The following ZBTB20 variants were observed in gnomAD, a reference collection of about 807,000 sequenced individuals.
The protein encoded by ZBTB20 is zinc finger and BTB domain containing 20.
ZBTB20 carries 9 observed loss-of-function variants against 56.9 expected under a neutral mutation model. The observed-to-expected ratio is 0.16, with a 90% CI of 0.10 to 0.28. The LOEUF is 0.28. ZBTB20 is among the 10% of genes least tolerant of loss of function. The pLI is 1.00. For synonymous variants in ZBTB20, 417 were observed against 420.7 expected (o/e 0.99, Z 0.11); for missense variants, 655 against 1,003.0 (o/e 0.65, Z 4.69).
intron 2 of ZBTB20, among the ~76,000 whole-genome samples, chr3:115,065,141 C>A (rs1227185867): frequency 6.6e-6 from 1 of 151,742 alleles, no homozygotes; most frequent in African/African-American, 2.4e-5. Context: ...ATTTATTTGA[C>A]TTTTTTTTGC....
chr3:115,041,564 C>T (rs895452994), intron 2 of ZBTB20, among the ~76,000 whole-genome samples: 5 of 151,994 alleles, frequency 3.3e-5, no homozygotes, highest in African/African-American at 1.2e-4. Context: ...TTCATTAAGC[C>T]CATGGTTTCT....
chr3:114,899,287 G>C (rs1261888561), intron 4 of ZBTB20, among the ~76,000 whole-genome samples: 1 of 152,120 alleles, frequency 6.6e-6, no homozygotes, highest in East Asian at 1.9e-4. Context: ...TAAATTTTCT[G>C]AATATGCCCC....
chr3:114,997,880 G>A (rs958769826), intron 2 of ZBTB20, among the ~76,000 whole-genome samples: 1 of 150,092 alleles, frequency 6.7e-6, no homozygotes, highest in Admixed American at 6.6e-5. Context: ...TTTTTGACTA[G>A]ATGATAATGT....
intron 6 of ZBTB20, among the ~76,000 whole-genome samples, chr3:114,522,125 G>T (rs2046708834): frequency 6.6e-6 from 1 of 152,134 alleles, no homozygotes; most frequent in African/African-American, 2.4e-5. Context: ...TATTTTGTCT[G>T]AAGGCAGTAG....
At chr3:114,477,243 T>C (rs1158400690) in intron 7 of ZBTB20, among the ~76,000 whole-genome samples, 1 of 152,220 alleles carries the variant, frequency 6.6e-6, no homozygotes, top group African/African-American at 2.4e-5. Context: ...TAAAATAATT[T>C]AGATCCATAA....
At chr3:114,505,264 G>A (rs773197915) in intron 6 of ZBTB20, among the ~76,000 whole-genome samples, 2 of 152,038 alleles carry the variant, frequency 1.3e-5, no homozygotes, top group Non-Finnish European at 2.9e-5. Flanking sequence ...TTCACACTGG[G>A]TGATAAAGAG....
chr3:114,859,748 T>TTATAAAGGCACAGAG (rs1291595230), intron 4 of ZBTB20, among the ~76,000 whole-genome samples: 2 of 152,172 alleles, frequency 1.3e-5, no homozygotes, highest in Non-Finnish European at 2.9e-5. Context: ...TTGATTACTT[T>TTATAAAGGCACAGAG]TATAAAGGCA....
At chr3:114,517,988 G>C (rs1275487963) in intron 6 of ZBTB20, among the ~76,000 whole-genome samples, 1 of 152,120 alleles carries the variant, frequency 6.6e-6, no homozygotes, top group African/African-American at 2.4e-5. Flanking sequence ...ATTCTAAGGG[G>C]AAAAATTTGA....
chr3:114,380,548 CT>C, intron 9 of ZBTB20, 144 bp from the exon 10 acceptor site: 1 of 1,234,244 alleles, frequency 8.1e-7, no homozygotes, highest in Middle Eastern at 2.1e-4. Context: ...TTAAAACAAG[CT>C]GATTCTTGTT....
intron 4 of ZBTB20, among the ~76,000 whole-genome samples, chr3:114,817,402 G>A (rs1005611101): frequency 9.9e-5 from 15 of 151,624 alleles, no homozygotes; most frequent in Admixed American, 5.3e-4. Context: ...CCTGTAATCC[G>A]AGCTACTCAG....
chr3:115,083,745 T>C (rs2108548770), intron 1 of ZBTB20, among the ~76,000 whole-genome samples: 1 of 152,104 alleles, frequency 6.6e-6, no homozygotes, highest in Non-Finnish European at 1.5e-5. Flanking sequence ...CCCATAGCAA[T>C]ATAGGTGTGC....
chr3:114,697,989 A>C (rs1194850972), intron 5 of ZBTB20, among the ~76,000 whole-genome samples: 1 of 152,108 alleles, frequency 6.6e-6, no homozygotes, highest in Non-Finnish European at 1.5e-5. Context: ...TGAAAGTTCT[A>C]ATGTGTCAAA....
intron 6 of ZBTB20, among the ~76,000 whole-genome samples, chr3:114,507,031 A>C (rs2044702516): frequency 2.0e-5 from 3 of 152,194 alleles, no homozygotes; most frequent in Non-Finnish European, 4.4e-5. Flanking sequence ...ATGACAGAAG[A>C]AAGTTGTTAA....
chr3:114,607,587 G>C (rs958542299), intron 6 of ZBTB20, among the ~76,000 whole-genome samples: 7 of 152,122 alleles, frequency 4.6e-5, no homozygotes, highest in Admixed American at 2.0e-4. Flanking sequence ...ACAGGTGTGA[G>C]CCATCACGCC....
chr3:114,920,504 C>A (rs1402740368), intron 3 of ZBTB20, among the ~76,000 whole-genome samples: 2 of 152,016 alleles, frequency 1.3e-5, no homozygotes, highest in Non-Finnish European at 2.9e-5. Context: ...GGAAAAATCA[C>A]AAACATGTGG....
chr3:114,498,238 G>T (rs1266263515), intron 7 of ZBTB20, among the ~76,000 whole-genome samples: 2 of 152,194 alleles, frequency 1.3e-5, no homozygotes, highest in Non-Finnish European at 2.9e-5. Flanking sequence ...CTGCTAAACA[G>T]TAATGGAATG....
intron 2 of ZBTB20, among the ~76,000 whole-genome samples, chr3:115,037,467 T>G (rs1426478383): frequency 6.6e-6 from 1 of 152,156 alleles, no homozygotes; most frequent in Non-Finnish European, 1.5e-5. Flanking sequence ...GGATTTTTAG[T>G]AGAGGCAGGG....
At chr3:114,518,721 C>T (rs1449167869) in intron 6 of ZBTB20, 9 of 152,194 alleles carry the variant, frequency 5.9e-5, no homozygotes, top group Non-Finnish European at 1.3e-4. Context: ...ATTCTGGGCC[C>T]TTTAAGGGAT....
rs969648646 is a variant in ZBTB20, at chr3:114,948,241, C to A, written c.-456+26125G>T. Among the ~76,000 whole-genome samples the A allele has an allele frequency of 9.2e-5, 13 of 141,920 alleles. 1 individual carries two copies. Among genetic ancestry groups the A allele is most frequent in the Non-Finnish European group, 1.5e-4 (10 of 66,886 alleles). The allele number at this position is 141,920 out of a possible 152,430, so 93.1% of individuals were successfully genotyped here. ...TATTCCTTATGATTTAAAAAAAAAACAAAACAGACAACACAGAAACACACA... is the reference window on the plus strand; with the variant it reads ...TATTCCTTATGATTTAAAAAAAAAAAAAAACAGACAACACAGAAACACACA... On this transcript the variant is annotated intron_variant, in intron 3 of 11. Coordinates refer to ENST00000675478, the MANE Select transcript of ZBTB20 (RefSeq NM_001348800.3).
Sources: gnomAD v4.1 joint callset for allele counts (sites outside exome capture counted in the v4.1 genomes callset) on GRCh38, gnomAD v4.1.1 for gene constraint, MANE v1.5 for transcripts, NCBI Gene and HGNC (gene_info 2026-07-23, HGNC 2026-07-21) for gene names.